Variants in EIF2B5 observed in about 807,000 individuals in gnomAD.
The protein encoded by EIF2B5 is translation initiation factor eIF2B subunit epsilon.
A neutral mutation model predicts 87.3 loss-of-function variants in EIF2B5; 38 were observed. The observed-to-expected ratio is 0.44, with a 90% CI of 0.34 to 0.57. The LOEUF is 0.57. Among genes scored for constraint, EIF2B5 ranks in the 20% least tolerant of loss-of-function variants. The pLI is 0.02. For synonymous variants in EIF2B5, 313 were observed against 339.6 expected (o/e 0.92, Z 0.86); for missense variants, 784 against 909.5 (o/e 0.86, Z 1.78).
chr3:184,143,607 G>A, intron 13 of EIF2B5, 42 bp downstream of exon 13: 2 of 1,613,962 alleles, frequency 1.2e-6, no homozygotes, highest in Non-Finnish European at 1.7e-6. Context: ...TTGGGTACAG[G>A]CAAAGGAAAT....
chr3:184,141,543 G>A (rs534398364), intron 7 of EIF2B5, among the ~76,000 whole-genome samples: 1 of 152,118 alleles, frequency 6.6e-6, no homozygotes, highest in Non-Finnish European at 1.5e-5. Flanking sequence ...ACTCCAGCCT[G>A]GGTGATGGAA....
Position 184,137,751 on chromosome 3 carries a change from T to C in EIF2B5, c.452T>C (p.Val151Ala). 6.2e-7 allele frequency: 1 copy of C among 1,614,104 alleles called. No individual in the cohort carries two copies. Among genetic ancestry groups the C allele is most frequent in the Non-Finnish European group, 8.5e-7 (1 of 1,180,014 alleles). ...TTGGTGCGCTCTGACTTTCTTCTGGTGTATGGGGATGTCATCTCAAACATC... is the reference window on the plus strand; with the variant it reads ...TTGGTGCGCTCTGACTTTCTTCTGGCGTATGGGGATGTCATCTCAAACATC... The part of the protein sequence containing the change: ...KALVRSDFLL[V>A]YGDVISNINI... The change falls in exon 3 of 16, where the codon GTG becomes GCG. Residue 151 changes from valine (V) to alanine (A), a missense_variant. By Grantham distance (64) the Val-to-Ala change is moderately conservative. Around this residue, in one of 3 missense-constraint regions of EIF2B5, gnomAD observed 660 missense variants for 789.5 expected, o/e 0.84. Transcript: ENST00000648915.
rs746238912 is a variant in EIF2B5, at chr3:184,142,622, C to T, written c.1546+19C>T. The T allele has an allele frequency of 6.2e-7, 1 of 1,608,432 alleles. No individual in the cohort carries two copies. Among genetic ancestry groups the T allele is most frequent in the Non-Finnish European group, 8.5e-7 (1 of 1,176,242 alleles). ...CTGTGGGGTGAGCTAGGCCTGATGC[C>T]TGCCCTTCTCCTCCTGAATCGGAAT... On this transcript the variant is annotated intron_variant, in intron 10 of 15. Transcript: ENST00000648915. This position sits in a 1 kb window ranked among gnomAD's most constrained non-coding sequence, Gnocchi z 5.0.
Position 184,142,659 on chromosome 3 carries a change from T to C in EIF2B5, c.1546+56T>C, listed in dbSNP as rs780057665. Reference sequence around the variant, plus strand: ...TCCTGAATCGGAATATTTTGAAGGATAATGAATACTTCAGAGTCACATTAC... The same window carrying C: ...TCCTGAATCGGAATATTTTGAAGGACAATGAATACTTCAGAGTCACATTAC... On this transcript the variant is annotated intron_variant, in intron 10 of 15. Transcript: ENST00000648915. This position sits in a 1 kb window ranked among gnomAD's most constrained non-coding sequence, Gnocchi z 5.0. The C allele has an allele frequency of 8.3e-6, 13 of 1,573,036 alleles. No individual in the cohort carries two copies. Among genetic ancestry groups the C allele is most frequent in the Non-Finnish European group, 1.0e-5 (12 of 1,153,558 alleles).
At chr3:184,136,391 G>C (rs1168337019) in intron 1 of EIF2B5, among the ~76,000 whole-genome samples, 1 of 152,172 alleles carries the variant, frequency 6.6e-6, no homozygotes, top group East Asian at 1.9e-4. Flanking sequence ...CTGATACAAG[G>C]CACATAGATT....
In EIF2B5 at chr3:184,142,453, G is replaced by A. The variant is rs1577034399; in HGVS notation, c.1445-49G>A. ...GAAGAACCAGTGTTTCCTCCTGGAG[G>A]GATTGGTGCTTCCGCCGGGCCCTCT... On this transcript the variant is annotated intron_variant, in intron 9 of 15. Transcript: ENST00000648915. This position sits in a 1 kb window ranked among gnomAD's most constrained non-coding sequence, Gnocchi z 5.0. 1.2e-6 allele frequency: 2 copies of A among 1,614,110 alleles called. No homozygotes were observed. The highest frequency in any genetic ancestry group is 1.1e-5 in the South Asian group (1 of 91,062).
chr3:184,143,642 T>A, intron 13 of EIF2B5, 77 bp downstream of exon 13: 2 of 1,605,334 alleles, frequency 1.2e-6, no homozygotes, highest in African/African-American at 1.3e-5. Context: ...CTTGTTATAT[T>A]GGGTGTATGT....
Position 184,144,970 on chromosome 3 carries a change from T to G in EIF2B5, c.*27T>G, listed in dbSNP as rs772472865. The G allele has an allele frequency of 9.9e-6, 16 of 1,610,530 alleles. No homozygotes were observed. The highest frequency in any genetic ancestry group is 1.4e-5 in the Non-Finnish European group (16 of 1,177,954). On this transcript the variant is annotated 3_prime_UTR_variant, in exon 16 of 16. Transcript: ENST00000648915. ...GTCACACTGCCTGCTCCTTTGGGTG[T>G]GATTGAGTGCCCTCCTGGCTCCTGG...
rs1262749952 is a variant in EIF2B5 at position 184,138,225 on chromosome 3, T to C, written c.744T>C (p.His248=). The part of the protein sequence containing the change: ...VEVRYDLLDC[H]ISICSPQVAQ... ...TTCGATATGATTTACTGGATTGTCA[T>C]ATCAGCATCTGTTCTCCTCAGGTGA... Residue 248 remains histidine (H), a synonymous_variant, in exon 5 of 16, where the codon CAT becomes CAC. Transcript: ENST00000648915. 6.2e-7 allele frequency: 1 copy of C among 1,614,014 alleles called. No individual in the cohort carries two copies. The highest frequency in any genetic ancestry group is 2.2e-5 in the East Asian group (1 of 44,886).
chr3:184,144,619 T>C lies in EIF2B5; in HGVS notation c.2018T>C (p.Leu673Pro), dbSNP rs2109012187. Residue 673 changes from leucine to proline, a missense_variant, in exon 15 of 16, where the codon CTG becomes CCG. By Grantham distance (98) the Leu-to-Pro change is moderately conservative. Around this residue, in one of 3 missense-constraint regions of EIF2B5, gnomAD observed 660 missense variants for 789.5 expected, o/e 0.84. Transcript: ENST00000648915. ...CAGGTACTGATGGCTTTCTACCAGC[T>C]GGAGATCCTGGCTGAGGAAACAATT... ...MAKVLMAFYQ[L>P]EILAEETILS... 1.2e-6 allele frequency: 2 copies of C among 1,614,114 alleles called. No homozygotes were observed. The highest frequency in any genetic ancestry group is 1.7e-6 in the Non-Finnish European group (2 of 1,180,020).
At chr3:184,141,448 A>T (rs1288199501) in intron 7 of EIF2B5, among the ~76,000 whole-genome samples, 3 of 152,180 alleles carry the variant, frequency 2.0e-5, no homozygotes, top group South Asian at 2.1e-4. Context: ...GCGTGCCTGT[A>T]ATCTCAGCTA....
At chr3:184,141,167 CTT>C (rs1713618055) in intron 7 of EIF2B5, among the ~76,000 whole-genome samples, 1 of 152,188 alleles carries the variant, frequency 6.6e-6, no homozygotes, top group Non-Finnish European at 1.5e-5. Flanking sequence ...GTCCAGTGTT[CTT>C]TTGAGTCTAC....
At position 184,142,741 on chromosome 3, in the gene EIF2B5, T is replaced by C. The variant is rs1255277456; in HGVS notation, c.1547-38T>C. On this transcript the variant is annotated intron_variant, in intron 10 of 15. Coordinates refer to ENST00000648915, the MANE Select transcript of EIF2B5 (RefSeq NM_003907.3). The surrounding 1 kb of genome is among the most constrained non-coding windows in gnomAD (Gnocchi z 5.0). ...AGGTATATTGCTCTCTGTCAATGACTCTTTTTTTCTTTTTCCTCACCCATT... is the reference window on the plus strand; with the variant it reads ...AGGTATATTGCTCTCTGTCAATGACCCTTTTTTTCTTTTTCCTCACCCATT... 6.3e-7 allele frequency: 1 copy of C among 1,595,590 alleles called. No homozygotes were observed. Among genetic ancestry groups the C allele is most frequent in the Non-Finnish European group, 8.6e-7 (1 of 1,167,780 alleles).
intron 6 of EIF2B5, 118 bp downstream of exon 6, chr3:184,140,275 G>A: frequency 7.2e-7 from 1 of 1,387,414 alleles, no homozygotes; most frequent in Non-Finnish European, 1.0e-6. Flanking sequence ...AGGAAAAGCA[G>A]GGGACAGGAG....
At chr3:184,139,579 CCTT>C (rs2109008288) in intron 5 of EIF2B5, among the ~76,000 whole-genome samples, 1 of 150,206 alleles carries the variant, frequency 6.7e-6, no homozygotes, top group African/African-American at 2.4e-5. Flanking sequence ...CTGCACCTGG[CCTT>C]TTTTTTTTTT....
At position 184,142,846 on chromosome 3, in the gene EIF2B5, G is replaced by A. The variant is rs142361539; in HGVS notation, c.1614G>A (p.Pro538=). 3.5e-4 allele frequency: 569 copies of A among 1,614,000 alleles called. 1 individual carries two copies. The African/African-American group carries it at 6.2e-3, about 17-fold the overall frequency. The change falls in exon 11 of 16, where the codon CCG becomes CCA. Residue 538 remains proline (P), a synonymous_variant. Transcript: ENST00000648915. This position sits in a 1 kb window ranked among gnomAD's most constrained non-coding sequence, Gnocchi z 5.0. ...ESEQSMDSEE[P]DSRGGSPQMD... ...AGCAAAGTATGGATTCTGAGGAGCCGGACAGCCGGGGAGGCTCCCCTCAGA... is the reference window on the plus strand; with the variant it reads ...AGCAAAGTATGGATTCTGAGGAGCCAGACAGCCGGGGAGGCTCCCCTCAGA...
At chr3:184,143,393 C>T in intron 12 of EIF2B5, 49 bp from the exon 13 acceptor site, 1 of 1,613,976 alleles carries the variant, frequency 6.2e-7, no homozygotes, top group East Asian at 2.2e-5. Flanking sequence ...AGTTCTAAGC[C>T]TGCTGAAAGG....
chr3:184,144,397 TG>T (rs1205144716), intron 14 of EIF2B5, among the ~76,000 whole-genome samples, 173 bp downstream of exon 14: 2 of 152,208 alleles, frequency 1.3e-5, no homozygotes, highest in African/African-American at 2.4e-5. Flanking sequence ...GGTAGCCATC[TG>T]GGGGGTGGTC....
chr3:184,142,519 G>A lies in EIF2B5; in HGVS notation c.1462G>A (p.Val488Ile), dbSNP rs1212290706. 2 of 1,614,184 alleles carry A rather than the reference G, an allele frequency of 1.2e-6. No individual in the cohort carries two copies. Among genetic ancestry groups the A allele is most frequent in the Admixed American group, 1.7e-5 (1 of 60,026 alleles). Reference protein sequence around the residue: ...VKMKGYNPAEVGAAGKGYLWK... With the variant: ...VKMKGYNPAEIGAAGKGYLWK... ...TTTTCCAGGTTACAATCCAGCAGAA[G>A]TAGGAGCTGCTGGCAAGGGCTACCT... The change falls in exon 10 of 16, where the codon GTA becomes ATA. Residue 488 changes from valine (V) to isoleucine (I), a missense_variant. By Grantham distance (29) the Val-to-Ile change is conservative. Coordinates refer to ENST00000648915, the MANE Select transcript of EIF2B5 (RefSeq NM_003907.3). This position sits in a 1 kb window ranked among gnomAD's most constrained non-coding sequence, Gnocchi z 5.0.
Sources: allele counts gnomAD v4.1 joint callset (sites outside exome capture counted in the v4.1 genomes callset), GRCh38; gene constraint gnomAD v4.1.1; regional missense constraint gnomAD v4.1.1; non-coding constraint Gnocchi (gnomAD v3.1); transcripts MANE v1.5; gene names NCBI Gene and HGNC (gene_info 2026-07-23, HGNC 2026-07-21).